The following LSM1 variants were observed in gnomAD, a reference collection of about 807,000 sequenced individuals.
LSM1 encodes the protein LSM1 homolog, mRNA degradation associated, also known as U6 snRNA-associated Sm-like protein LSm1.
A neutral mutation model predicts 18.0 loss-of-function variants in LSM1; 13 were observed. The ratio of observed to expected loss-of-function variants is 0.72; its 90% CI spans 0.47 to 1.15. The LOEUF is 1.15. Among genes scored for constraint, LSM1 ranks in the 50% most tolerant of loss-of-function variants. The pLI is 0.00. For missense variants in LSM1, 152 were observed against 157.7 expected (o/e 0.96, Z 0.19); for synonymous variants, 46 against 56.0 (o/e 0.82, Z 0.80).
intron 3 of LSM1, among the ~76,000 whole-genome samples, chr8:38,165,091 G>A (rs955904737): frequency 1.3e-5 from 2 of 152,170 alleles, no homozygotes; most frequent in African/African-American, 2.4e-5. Flanking sequence ...GCTCACGCTT[G>A]TAATCCCAGC....
At chr8:38,169,946 T>C in intron 2 of LSM1, 29 bp from the exon 3 acceptor site, 1 of 1,236,564 alleles carries the variant, frequency 8.1e-7, no homozygotes, top group Non-Finnish European at 1.2e-6. Flanking sequence ...AAACCAAAGA[T>C]ATTTAGTTTA....
chr8:38,169,488 G>A (rs1227736021), intron 3 of LSM1, among the ~76,000 whole-genome samples: 1 of 152,102 alleles, frequency 6.6e-6, no homozygotes, highest in Non-Finnish European at 1.5e-5. Flanking sequence ...TTAGCTTTAT[G>A]CCATGAAAAA....
Position 38,163,853 on chromosome 8 carries a change from C to T in LSM1, c.232-13G>A. 1 of 1,613,554 alleles carries T rather than the reference C, an allele frequency of 6.2e-7. No homozygotes were observed. The highest frequency in any genetic ancestry group is 1.1e-5 in the South Asian group (1 of 91,052). On this transcript the variant is annotated splice_polypyrimidine_tract_variant and intron_variant, in intron 3 of 3. Coordinates refer to ENST00000311351, the MANE Select transcript of LSM1 (RefSeq NM_014462.3). ...CCTTTTCCAAGTCCTACAAAAGAGA[C>T]AGGTTTGAAAACTTCACCTGAAGAC...
chr8:38,172,146 G>T, intron 1 of LSM1, 113 bp from the exon 2 acceptor site: 1 of 738,844 alleles, frequency 1.4e-6, no homozygotes, highest in Non-Finnish European at 2.3e-6. Flanking sequence ...CATTTAATGT[G>T]AAGTTCAAGT....
intron 3 of LSM1, among the ~76,000 whole-genome samples, chr8:38,165,745 G>GT (rs1210194843): frequency 2.6e-5 from 4 of 151,760 alleles, no homozygotes; most frequent in Non-Finnish European, 5.9e-5. Flanking sequence ...GCTGGGCGTG[G>GT]TAACGTGTAC....
At chr8:38,176,701 G>C (rs1401798293), upstream of LSM1, 1 of 849,946 alleles carries the variant, frequency 1.2e-6, no homozygotes, top group Non-Finnish European at 1.7e-6. Context: ...ACTGACCTCC[G>C]TCCCTCAGCT....
At chr8:38,175,395 C>T (rs1803113690) in intron 1 of LSM1, among the ~76,000 whole-genome samples, 1 of 152,118 alleles carries the variant, frequency 6.6e-6, no homozygotes, top group Admixed American at 6.5e-5. Context: ...ACCATAGATT[C>T]TAAATTGCGT....
chr8:38,176,700 C>A (rs1319714351), upstream of LSM1: 4 of 841,528 alleles, frequency 4.8e-6, no homozygotes, highest in East Asian at 6.1e-5. Flanking sequence ...CACTGACCTC[C>A]GTCCCTCAGC....
intron 2 of LSM1, chr8:38,170,984 C>A: frequency 2.3e-6 from 1 of 433,658 alleles, no homozygotes; most frequent in South Asian, 1.6e-5. Flanking sequence ...CGCAGATATC[C>A]AATAAATGTT....
At chr8:38,176,537 G>A (rs1028688706), upstream of LSM1, 11 of 578,958 alleles carry the variant, frequency 1.9e-5, no homozygotes, top group South Asian at 2.5e-4. Flanking sequence ...CCCAGGAAGA[G>A]GCGGGGCAGC....
chr8:38,175,872 A>G (rs1269353223), intron 1 of LSM1: 1 of 165,080 alleles, frequency 6.1e-6, no homozygotes, highest in Non-Finnish European at 1.3e-5. Context: ...TTTTTAATGA[A>G]TCCTCTCTCT....
intron 1 of LSM1, among the ~76,000 whole-genome samples, chr8:38,173,136 A>C (rs1394564336): frequency 1.3e-5 from 2 of 152,240 alleles, no homozygotes; most frequent in African/African-American, 2.4e-5. Context: ...TAGCGCACCC[A>C]GCAAAATTTC....
At position 38,163,571 on chromosome 8, in the gene LSM1, C is replaced by A; in HGVS notation, c.*99G>T. ...TAAAAATAAAAGTGACTTTTCAAAA[C>A]TCTACAGTCTGTGATCAAATGCGTG... On this transcript the variant is annotated 3_prime_UTR_variant, in exon 4 of 4. Coordinates refer to ENST00000311351, the MANE Select transcript of LSM1 (RefSeq NM_014462.3). 9.4e-7 allele frequency: 1 copy of A among 1,063,280 alleles called. No individual in the cohort carries two copies. The highest frequency in any genetic ancestry group is 1.7e-5 in the South Asian group (1 of 60,330). 65.9% of individuals were successfully genotyped at this position (1,063,280 alleles called of 1,614,324 possible).
At chr8:38,175,764 T>C (rs1803123635) in intron 1 of LSM1, 1 of 152,672 alleles carries the variant, frequency 6.5e-6, no homozygotes, top group Non-Finnish European at 1.5e-5. Flanking sequence ...AAGGTGCTAA[T>C]GACCCTCACA....
At chr8:38,165,363 CA>C (rs891076696) in intron 3 of LSM1, among the ~76,000 whole-genome samples, 5 of 148,808 alleles carry the variant, frequency 3.4e-5, no homozygotes, top group African/African-American at 1.2e-4. Flanking sequence ...CAAAAAAAAA[CA>C]AAAAATTGTT....
At chr8:38,173,025 TGAAG>T (rs751679607) in intron 1 of LSM1, among the ~76,000 whole-genome samples, 1 of 152,134 alleles carries the variant, frequency 6.6e-6, no homozygotes, top group East Asian at 1.9e-4. Flanking sequence ...GGCAGTATGA[TGAAG>T]GGAGAGAAGT....
chr8:38,170,966 A>G (rs1445171449), intron 2 of LSM1: 1 of 418,452 alleles, frequency 2.4e-6, no homozygotes, highest in Non-Finnish European at 4.9e-6. Context: ...GCTCAAATCC[A>G]GTGATTTCGC....
At chr8:38,175,025 C>CAAAA (rs1203614273) in intron 1 of LSM1, among the ~76,000 whole-genome samples, 22 of 57,070 alleles carry the variant, frequency 3.9e-4, no homozygotes, top group East Asian at 1.2e-3. Context: ...GACTCTGTCT[C>CAAAA]AAAAAAAAAA....
At chr8:38,170,696 T>C (rs1803012284) in intron 2 of LSM1, among the ~76,000 whole-genome samples, 1 of 152,206 alleles carries the variant, frequency 6.6e-6, no homozygotes, top group Admixed American at 6.5e-5. Flanking sequence ...CAGGTATCCA[T>C]GGGTTATGAT....
Sources: gnomAD v4.1 joint callset for allele counts (sites outside exome capture counted in the v4.1 genomes callset) on GRCh38, gnomAD v4.1.1 for gene constraint, MANE v1.5 for transcripts, NCBI Gene and HGNC (gene_info 2026-07-23, HGNC 2026-07-21) for gene names.